SAMD4A: variants seen among roughly 807,000 people sequenced by gnomAD.
SAMD4A encodes sterile alpha motif domain containing 4A, also known as protein Smaug homolog 1.
Under a neutral mutation model 81.3 loss-of-function variants are expected in SAMD4A, and 33 were observed. The ratio of observed to expected loss-of-function variants is 0.41; its 90% CI spans 0.31 to 0.54. The LOEUF (loss-of-function observed/expected upper bound fraction) is 0.54. SAMD4A is among the 20% of genes least tolerant of loss of function. The pLI is 0.37. For synonymous variants in SAMD4A, 389 were observed against 382.1 expected (o/e 1.02, Z -0.21); for missense variants, 854 against 951.1 (o/e 0.90, Z 1.34).
chr14:54,704,920 A>G (rs2036815393), intron 3 of SAMD4A, among the ~76,000 whole-genome samples: 1 of 152,240 alleles, frequency 6.6e-6, no homozygotes, highest in African/African-American at 2.4e-5. Flanking sequence ...GCCTCTATCA[A>G]TAAACCCTGA....
chr14:54,670,164 C>T (rs2035849180), intron 2 of SAMD4A, among the ~76,000 whole-genome samples: 1 of 152,142 alleles, frequency 6.6e-6, no homozygotes, highest in African/African-American at 2.4e-5. Context: ...TCTGTCTGGC[C>T]CCATCCCTCA....
intron 3 of SAMD4A, among the ~76,000 whole-genome samples, chr14:54,717,766 G>C (rs931009170): frequency 3.3e-5 from 5 of 152,016 alleles, no homozygotes; most frequent in African/African-American, 1.2e-4. Context: ...AAGTGGATCT[G>C]AACTACAGAT....
At chr14:54,622,668 C>T (rs749520818) in intron 2 of SAMD4A, among the ~76,000 whole-genome samples, 30 of 152,212 alleles carry the variant, frequency 2.0e-4, no homozygotes, top group Admixed American at 3.9e-4. Context: ...ACAACTGTGG[C>T]TCCCCTAGGA....
intron 2 of SAMD4A, among the ~76,000 whole-genome samples, chr14:54,677,580 G>T (rs2036019313): frequency 6.6e-6 from 1 of 152,142 alleles, no homozygotes; most frequent in African/African-American, 2.4e-5. Flanking sequence ...CCAAGCTACG[G>T]TTCTTACCAA....
chr14:54,696,852 CAAAG>C (rs764683793), intron 2 of SAMD4A: 2 of 152,250 alleles, frequency 1.3e-5, no homozygotes, highest in Non-Finnish European at 2.9e-5. Context: ...AGAGAAATAA[CAAAG>C]AAAATATTCA....
chr14:54,746,735 C>T (rs2037977203), intron 4 of SAMD4A, among the ~76,000 whole-genome samples: 1 of 152,216 alleles, frequency 6.6e-6, no homozygotes, highest in African/African-American at 2.4e-5. Flanking sequence ...GGTCCAAGAG[C>T]CTGCTACCTT....
chr14:54,641,878 A>ACCT (rs201396208), intron 2 of SAMD4A, among the ~76,000 whole-genome samples: 5,551 of 151,766 alleles, frequency 0.037, 134 homozygotes, highest in Middle Eastern at 0.082. Flanking sequence ...GGTCACTGCA[A>ACCT]CCTCCTCCTC....
At chr14:54,783,778 A>G (rs894988031) in intron 11 of SAMD4A, among the ~76,000 whole-genome samples, 4 of 152,176 alleles carry the variant, frequency 2.6e-5, no homozygotes, top group Admixed American at 2.0e-4. Context: ...CCGCACACCT[A>G]AAGCCCCCCA....
intron 4 of SAMD4A, among the ~76,000 whole-genome samples, chr14:54,747,101 G>C (rs1183740452): frequency 1.3e-5 from 2 of 152,182 alleles, no homozygotes; most frequent in African/African-American, 4.8e-5. Flanking sequence ...ATGATGTAAG[G>C]GGTTAGTATG....
intron 2 of SAMD4A, among the ~76,000 whole-genome samples, chr14:54,642,935 G>A (rs1325867259): frequency 1.3e-5 from 2 of 152,196 alleles, no homozygotes; most frequent in Non-Finnish European, 2.9e-5. Flanking sequence ...AGCCCAATAT[G>A]TGGGGTAATG....
chr14:54,628,848 A>G (rs2034827773), intron 2 of SAMD4A, among the ~76,000 whole-genome samples: 1 of 151,962 alleles, frequency 6.6e-6, no homozygotes, highest in African/African-American at 2.4e-5. Context: ...TTCTCATAGT[A>G]TTGTCTCTAA....
chr14:54,614,318 GT>G (rs1199741586), intron 2 of SAMD4A, among the ~76,000 whole-genome samples: 1 of 151,878 alleles, frequency 6.6e-6, no homozygotes, highest in African/African-American at 2.4e-5. Flanking sequence ...AAGTTTCTTG[GT>G]TTTGTAATAT....
At position 54,701,934 on chromosome 14, in the gene SAMD4A, C is replaced by G. The variant is rs1413592469; in HGVS notation, c.197-128C>G. On this transcript the variant is annotated intron_variant, in intron 2 of 12. Coordinates refer to ENST00000554335, the MANE Select transcript of SAMD4A (RefSeq NM_015589.6). ...TCAGTTAACCAATCTGATTCACAGG[C>G]TCTTTTGAGAAAATATAGCCAGACT... 6 of 1,008,748 alleles carry G rather than the reference C, an allele frequency of 5.9e-6. No individual in the cohort carries two copies. The African/African-American group carries it at 6.5e-5, about 11-fold the overall frequency. 62.5% of individuals were successfully genotyped at this position (1,008,748 alleles called of 1,614,324 possible).
intron 2 of SAMD4A, among the ~76,000 whole-genome samples, chr14:54,683,770 T>C (rs891393975): frequency 6.6e-6 from 1 of 151,974 alleles, no homozygotes; most frequent in Admixed American, 6.6e-5. Context: ...AAGTCTAAAT[T>C]GCTCTACACA....
intron 3 of SAMD4A, among the ~76,000 whole-genome samples, chr14:54,733,553 A>C (rs2037612255): frequency 6.6e-6 from 1 of 152,174 alleles, no homozygotes; most frequent in African/African-American, 2.4e-5. Context: ...GAAAGTCACA[A>C]ATGCAGTATA....
At chr14:54,619,716 C>T (rs1201024067) in intron 2 of SAMD4A, among the ~76,000 whole-genome samples, 2 of 152,124 alleles carry the variant, frequency 1.3e-5, no homozygotes, top group African/African-American at 4.8e-5. Flanking sequence ...CATGTAGCTC[C>T]CACTGGTAAG....
intron 3 of SAMD4A, among the ~76,000 whole-genome samples, chr14:54,729,508 C>G (rs2140900018): frequency 6.6e-6 from 1 of 152,310 alleles, no homozygotes; most frequent in South Asian, 2.1e-4. Flanking sequence ...ACTTGCTTAA[C>G]TCCATTATTT....
At chr14:54,771,033 T>C (rs1348315967) in intron 9 of SAMD4A, among the ~76,000 whole-genome samples, 1 of 152,230 alleles carries the variant, frequency 6.6e-6, no homozygotes, top group African/African-American at 2.4e-5. Flanking sequence ...ATTCATTTCA[T>C]TTCTCGGTGC....
At chr14:54,570,818 T>C (rs2033107446) in intron 2 of SAMD4A, among the ~76,000 whole-genome samples, 2 of 152,232 alleles carry the variant, frequency 1.3e-5, no homozygotes, top group Admixed American at 1.3e-4. Context: ...CTGAGCTGTT[T>C]TGATGTGTAA....
Sources: gnomAD v4.1 joint callset for allele counts (sites outside exome capture counted in the v4.1 genomes callset) on GRCh38, gnomAD v4.1.1 for gene constraint, MANE v1.5 for transcripts, NCBI Gene and HGNC (gene_info 2026-07-23, HGNC 2026-07-21) for gene names.